The following CA10 variants were observed in gnomAD, a reference collection of about 807,000 sequenced individuals.
CA10 encodes the protein carbonic anhydrase 10 (inactive).
A neutral mutation model predicts 44.2 loss-of-function variants in CA10; 14 were observed. That is an observed-to-expected ratio of 0.32 (90% CI 0.21 to 0.50). CA10 has a LOEUF of 0.50. Ranked by LOEUF, CA10 falls within the 20% of genes least tolerant of loss-of-function variation. The pLI, the probability that CA10 is intolerant of heterozygous loss-of-function variation, is 0.99. For missense variants in CA10, 350 were observed against 409.7 expected, an observed-to-expected ratio of 0.85 and a Z score of 1.26; for synonymous variants, 159 against 141.6, an observed-to-expected ratio of 1.12 and a Z score of -0.87.
At chr17:51,755,639 A>G (rs1905053106) in intron 3 of CA10, among the ~76,000 whole-genome samples, 1 of 152,234 alleles carries the variant, frequency 6.6e-6, no homozygotes, top group African/African-American at 2.4e-5. Context: ...GGCCTATCTG[A>G]CGTGTACAGG....
intron 2 of CA10, among the ~76,000 whole-genome samples, chr17:51,960,129 A>T (rs990083225): frequency 2.6e-5 from 4 of 152,012 alleles, no homozygotes; most frequent in African/African-American, 7.2e-5. Context: ...ATAACTAAAA[A>T]ATAAACTGGA....
intron 4 of CA10, among the ~76,000 whole-genome samples, chr17:51,694,202 C>T (rs1281283161): frequency 3.3e-5 from 5 of 149,854 alleles, no homozygotes; most frequent in Admixed American, 1.3e-4. Context: ...GAAACTCCGT[C>T]TCGGAAAAAA....
intron 2 of CA10, among the ~76,000 whole-genome samples, chr17:51,979,996 T>C (rs1368646923): frequency 6.6e-6 from 1 of 152,178 alleles, no homozygotes; most frequent in African/African-American, 2.4e-5. Flanking sequence ...AAAGTTCACA[T>C]GCATGTGTCT....
chr17:52,123,630 C>T (rs956987518), intron 1 of CA10, among the ~76,000 whole-genome samples: 2 of 152,050 alleles, frequency 1.3e-5, no homozygotes, highest in Non-Finnish European at 2.9e-5. Context: ...AGCCATTGAT[C>T]GAAGCCTGAC....
chr17:52,058,818 C>G (rs1987299265), intron 2 of CA10, among the ~76,000 whole-genome samples: 1 of 151,940 alleles, frequency 6.6e-6, no homozygotes, highest in Non-Finnish European at 1.5e-5. Flanking sequence ...TGGATCCCAC[C>G]ACTCATGTCT....
chr17:52,063,622 C>G (rs1338081001), intron 2 of CA10, among the ~76,000 whole-genome samples: 1 of 152,156 alleles, frequency 6.6e-6, no homozygotes, highest in Non-Finnish European at 1.5e-5. Context: ...CTCTGTATCT[C>G]TTGCTTCCTC....
chr17:51,869,490 CACAGCAGTAAACTTA>C (rs1979708844), intron 3 of CA10, among the ~76,000 whole-genome samples: 1 of 152,188 alleles, frequency 6.6e-6, no homozygotes, highest in Non-Finnish European at 1.5e-5. Flanking sequence ...CAACATAAAA[CACAGCAGTAAACTTA>C]ACAGGAGTCT....
rs533745921 is a variant in CA10, at chr17:52,081,209, G to C, written c.62-8816C>G. Among the ~76,000 whole-genome samples, 241 of 152,314 alleles carry C rather than the reference G, an allele frequency of 1.6e-3. 1 individual carries two copies. Among genetic ancestry groups the C allele is most frequent in the African/African-American group, 5.7e-3 (237 of 41,566 alleles). ...GTAAAGTGACTAGAAGAACATATGA[G>C]ATTGTATGACAGTGATGGTCTCTGA... On this transcript the variant is annotated intron_variant, in intron 1 of 8. Coordinates refer to ENST00000451037, the MANE Select transcript of CA10 (RefSeq NM_020178.5).
chr17:51,794,118 C>T (rs951066180), intron 3 of CA10, among the ~76,000 whole-genome samples: 1 of 152,164 alleles, frequency 6.6e-6, no homozygotes, highest in East Asian at 1.9e-4. Flanking sequence ...CGTTGGGTCT[C>T]GAAAGGCCCA....
At chr17:52,154,004 A>G (rs1229386941) in intron 1 of CA10, among the ~76,000 whole-genome samples, 3 of 152,184 alleles carry the variant, frequency 2.0e-5, no homozygotes, top group African/African-American at 7.2e-5. Context: ...TGATCCTAAG[A>G]TGCTAGAGGC....
At chr17:51,780,000 T>C (rs972544860) in intron 3 of CA10, among the ~76,000 whole-genome samples, 18 of 152,184 alleles carry the variant, frequency 1.2e-4, no homozygotes, top group African/African-American at 3.6e-4. Context: ...TGAGTAGTGT[T>C]CTGATCTAAC....
At chr17:52,138,868 G>T (rs112155147) in intron 1 of CA10, among the ~76,000 whole-genome samples, 6 of 152,126 alleles carry the variant, frequency 3.9e-5, no homozygotes, top group South Asian at 2.1e-4. Context: ...AGTCCTGAAG[G>T]TTTCATTATT....
chr17:51,858,914 C>A (rs919894557), intron 3 of CA10, among the ~76,000 whole-genome samples: 4 of 151,926 alleles, frequency 2.6e-5, no homozygotes, highest in Non-Finnish European at 5.9e-5. Flanking sequence ...CCTATGGGAG[C>A]AGGTCACTTA....
chr17:52,149,835 T>C (rs1989666346), intron 1 of CA10, among the ~76,000 whole-genome samples: 1 of 152,194 alleles, frequency 6.6e-6, no homozygotes, highest in Admixed American at 6.5e-5. Flanking sequence ...CTGGGCCAAG[T>C]AGAGCATAGC....
chr17:51,920,322 A>G (rs1982177909), intron 3 of CA10, among the ~76,000 whole-genome samples: 2 of 152,122 alleles, frequency 1.3e-5, no homozygotes, highest in Admixed American at 6.5e-5. Flanking sequence ...AAGTGAAAGG[A>G]CAGGGAAAGA....
intron 1 of CA10, among the ~76,000 whole-genome samples, chr17:52,083,276 C>T (rs537045112): frequency 1.3e-4 from 20 of 151,790 alleles, no homozygotes; most frequent in African/African-American, 2.2e-4. Context: ...CTAAATGCAA[C>T]GAAAAGAAAG....
chr17:51,874,388 T>TAAAAA (rs780808287), intron 3 of CA10, among the ~76,000 whole-genome samples: 1 of 127,458 alleles, frequency 7.8e-6, no homozygotes, highest in Non-Finnish European at 1.7e-5. Context: ...GAGTAATTAT[T>TAAAAA]AAAAAAAAAA....
intron 2 of CA10, among the ~76,000 whole-genome samples, chr17:52,022,423 T>C (rs1986171018): frequency 6.6e-6 from 1 of 152,032 alleles, no homozygotes; most frequent in African/African-American, 2.4e-5. Context: ...ATAAAAACCC[T>C]CAACAAAGTA....
intron 3 of CA10, among the ~76,000 whole-genome samples, chr17:51,843,448 G>T (rs529529789): frequency 9.2e-5 from 14 of 152,278 alleles, no homozygotes; most frequent in African/African-American, 2.9e-4. Flanking sequence ...GACTTTTGAA[G>T]AACAAATTTT....
Sources: allele counts gnomAD v4.1 joint callset (sites outside exome capture counted in the v4.1 genomes callset), GRCh38; gene constraint gnomAD v4.1.1; transcripts MANE v1.5; gene names NCBI Gene and HGNC (gene_info 2026-07-23, HGNC 2026-07-21).